The following SEL1L3 variants were observed in gnomAD, a reference collection of about 807,000 sequenced individuals.
The protein encoded by SEL1L3 is protein sel-1 homolog 3.
SEL1L3 carries 76 observed loss-of-function variants against 142.8 expected under a neutral mutation model. The observed-to-expected ratio is 0.53, with a 90% CI of 0.44 to 0.64. The LOEUF (loss-of-function observed/expected upper bound fraction) is 0.64, where lower values mean the gene tolerates loss of function less well. Ranked by LOEUF, SEL1L3 falls within the 30% of genes least tolerant of loss-of-function variation. The pLI is 0.00. For synonymous variants in SEL1L3, 504 were observed against 519.6 expected, an observed-to-expected ratio of 0.97 and a Z score of 0.41; for missense variants, 1,262 against 1,381.7, an observed-to-expected ratio of 0.91 and a Z score of 1.37.
chr4:25,824,194 A>G (rs545384533), intron 6 of SEL1L3, among the ~76,000 whole-genome samples: 46 of 152,334 alleles, frequency 3.0e-4, no homozygotes, highest in Non-Finnish European at 5.9e-4. Context: ...TTGAAAAGAC[A>G]TGAACATTCC....
intron 14 of SEL1L3, 85 bp from the exon 15 acceptor site, chr4:25,782,503 C>A (rs1307613933): frequency 1.7e-6 from 2 of 1,208,844 alleles, no homozygotes; most frequent in East Asian, 2.5e-5. Flanking sequence ...AAGCATTCTG[C>A]CTAAGTCTGA....
At chr4:25,787,604 G>A (rs1296469670) in intron 13 of SEL1L3, among the ~76,000 whole-genome samples, 2 of 152,210 alleles carry the variant, frequency 1.3e-5, no homozygotes, top group East Asian at 3.8e-4. Flanking sequence ...ACAGGTGTGA[G>A]CCACCGCGCC....
chr4:25,847,607 G>T lies in SEL1L3; in HGVS notation c.420C>A (p.Thr140=), dbSNP rs1279050800. The part of the protein sequence containing the change: ...KRWKNEKHLH[T]SRTQIVHVKF... The stretch of plus-strand genomic sequence containing the variant: ...TCACATGTACTATTTGTGTCCTGCT[G>T]GTGTGAAGATGTTTCTCATTCTTCC... The change falls in exon 2 of 24, where the codon ACC becomes ACA. Residue 140 remains threonine (T), a synonymous_variant. Transcript: ENST00000399878. The T allele has an allele frequency of 6.2e-7, 1 of 1,613,914 alleles. No homozygotes were observed. The highest frequency in any genetic ancestry group is 8.5e-7 in the Non-Finnish European group (1 of 1,179,854).
chr4:25,728,244 CT>C, the SEL1L3 span, among the ~76,000 whole-genome samples: 1 of 152,202 alleles, frequency 6.6e-6, no homozygotes, highest in Non-Finnish European at 1.5e-5. Flanking sequence ...CTTTCAGTTT[CT>C]TGACCCATGG....
At chr4:25,846,279 G>A (rs748395164) in intron 2 of SEL1L3, among the ~76,000 whole-genome samples, 12 of 152,150 alleles carry the variant, frequency 7.9e-5, no homozygotes, top group Non-Finnish European at 1.8e-4. Context: ...GGAGCCTCCG[G>A]GATTGGTCCT....
the SEL1L3 span, among the ~76,000 whole-genome samples, chr4:25,715,293 A>G: frequency 1.3e-5 from 2 of 152,168 alleles, no homozygotes; most frequent in Non-Finnish European, 2.9e-5. Flanking sequence ...GGAGTTGGAG[A>G]CCAGCGTGGG....
intron 16 of SEL1L3, chr4:25,777,802 T>G (rs1719736214): frequency 2.2e-6 from 1 of 455,972 alleles, no homozygotes; most frequent in African/African-American, 2.0e-5. Context: ...CAGGTTGAAT[T>G]TGAACCCAAA....
At chr4:25,802,524 A>G in intron 10 of SEL1L3, 62 bp from the exon 11 acceptor site, 1 of 1,413,900 alleles carries the variant, frequency 7.1e-7, no homozygotes, top group Non-Finnish European at 9.8e-7. Context: ...AAATCCTAAC[A>G]CTGAAAGGTT....
downstream of SEL1L3, among the ~76,000 whole-genome samples, chr4:25,744,336 A>T (rs1027123579): frequency 9.8e-5 from 13 of 132,148 alleles, no homozygotes; most frequent in African/African-American, 3.6e-4. Flanking sequence ...AAATGAGGTC[A>T]TATGTGTGAG....
At chr4:25,801,562 T>C (rs1713184132) in intron 11 of SEL1L3, among the ~76,000 whole-genome samples, 1 of 152,206 alleles carries the variant, frequency 6.6e-6, no homozygotes, top group South Asian at 2.1e-4. Flanking sequence ...AAGCAAACCA[T>C]CAGTTGGTGT....
chr4:25,734,037 TGA>T, the SEL1L3 span, among the ~76,000 whole-genome samples: 6 of 152,192 alleles, frequency 3.9e-5, no homozygotes, highest in Admixed American at 2.0e-4. Flanking sequence ...TTGTTTTTTT[TGA>T]GACAGAGTCT....
chr4:25,804,373 C>T (rs1412741720), intron 10 of SEL1L3, among the ~76,000 whole-genome samples, 168 bp downstream of exon 10: 3 of 152,144 alleles, frequency 2.0e-5, no homozygotes, highest in Non-Finnish European at 4.4e-5. Flanking sequence ...TCACTGAAAG[C>T]AAAGGATCCT....
intron 5 of SEL1L3, 102 bp downstream of exon 5, chr4:25,832,893 A>T (rs1715533867): frequency 2.9e-6 from 2 of 692,094 alleles, no homozygotes; most frequent in South Asian, 3.4e-5. Context: ...CATTTACCAC[A>T]AATTTGCTTT....
At chr4:25,761,707 G>C (rs1363365628) in intron 20 of SEL1L3, among the ~76,000 whole-genome samples, 2 of 152,166 alleles carry the variant, frequency 1.3e-5, no homozygotes, top group Admixed American at 6.5e-5. Flanking sequence ...TCACAAGCTA[G>C]TATATGTAAA....
intron 11 of SEL1L3, among the ~76,000 whole-genome samples, chr4:25,797,605 G>A (rs184677730): frequency 7.1e-4 from 108 of 152,280 alleles, no homozygotes; most frequent in Non-Finnish European, 1.2e-3. Context: ...GGGGCTCATG[G>A]CAAGGGCTCT....
rs779787539 is a variant in SEL1L3, at chr4:25,784,288, A to G, written c.2220T>C (p.Gly740=). The change falls in exon 14 of 24, where the codon GGT becomes GGC. Residue 740 remains glycine (G), a splice_region_variant and synonymous_variant. Transcript: ENST00000399878. ...IYDYAIVLFK[G]QGVKKNRRLA... Reference sequence around the variant, plus strand: ...GCCGTCTGTTCTTTTTTACTCCTTGACCCTAAACATTGATAAACAGCGATG... The same window carrying G: ...GCCGTCTGTTCTTTTTTACTCCTTGGCCCTAAACATTGATAAACAGCGATG... 1.9e-6 allele frequency: 3 copies of G among 1,613,068 alleles called. No individual in the cohort carries two copies. The South Asian group carries it at 3.3e-5, about 18-fold the overall frequency.
chr4:25,815,932 C>T (rs568571247), intron 9 of SEL1L3, among the ~76,000 whole-genome samples: 1 of 150,882 alleles, frequency 6.6e-6, no homozygotes, highest in African/African-American at 2.4e-5. Context: ...CCGTAACACA[C>T]AGGACAGCCC....
intron 6 of SEL1L3, among the ~76,000 whole-genome samples, chr4:25,825,511 G>A (rs1164868446): frequency 8.5e-5 from 13 of 152,076 alleles, no homozygotes; most frequent in Admixed American, 7.2e-4. Flanking sequence ...AAGAATCACC[G>A]ACGTTGTGAA....
intron 13 of SEL1L3, among the ~76,000 whole-genome samples, chr4:25,785,603 C>A (rs537970287): frequency 6.6e-6 from 1 of 152,146 alleles, no homozygotes; most frequent in South Asian, 2.1e-4. Context: ...TTAATAAAAC[C>A]AATGAACTGA....
Sources: gnomAD v4.1 joint callset for allele counts (sites outside exome capture counted in the v4.1 genomes callset) on GRCh38, gnomAD v4.1.1 for gene constraint, MANE v1.5 for transcripts, NCBI Gene and HGNC (gene_info 2026-07-23, HGNC 2026-07-21) for gene names.